MAGI2: variants seen among roughly 807,000 people sequenced by gnomAD.
MAGI2 encodes the protein membrane associated guanylate kinase, WW and PDZ domain containing 2.
MAGI2 carries 35 observed loss-of-function variants against 133.3 expected under a neutral mutation model. That is an observed-to-expected ratio of 0.26 (90% CI 0.20 to 0.35). MAGI2 has a LOEUF of 0.35. Among genes scored for constraint, MAGI2 ranks in the 10% least tolerant of loss-of-function variants. The pLI, the probability that MAGI2 is intolerant of heterozygous loss-of-function variation, is 1.00. For missense variants in MAGI2, 1,636 were observed against 1,863.4 expected, an observed-to-expected ratio of 0.88 and a Z score of 2.25; for synonymous variants, 729 against 710.6, an observed-to-expected ratio of 1.03 and a Z score of -0.41.
intron 3 of MAGI2, among the ~76,000 whole-genome samples, chr7:78,578,098 TTAAG>T (rs1802457021): frequency 6.6e-6 from 1 of 151,990 alleles, no homozygotes; most frequent in Admixed American, 6.5e-5. Flanking sequence ...GGTTTTCACT[TTAAG>T]TAGGGAAAAT....
At chr7:78,319,562 A>T (rs1787781117) in intron 9 of MAGI2, among the ~76,000 whole-genome samples, 1 of 152,246 alleles carries the variant, frequency 6.6e-6, no homozygotes, top group Admixed American at 6.5e-5. Flanking sequence ...AGAAATAAAG[A>T]TGTTCTTTGA....
intron 3 of MAGI2, among the ~76,000 whole-genome samples, chr7:78,567,005 A>G (rs1235252474): frequency 1.3e-5 from 2 of 152,190 alleles, no homozygotes; most frequent in Non-Finnish European, 2.9e-5. Flanking sequence ...TTAAAGTTTG[A>G]CTTACTAGCA....
At chr7:78,235,731 G>A (rs1415203552) in intron 10 of MAGI2, among the ~76,000 whole-genome samples, 2 of 150,060 alleles carry the variant, frequency 1.3e-5, no homozygotes, top group South Asian at 2.1e-4. Context: ...ATAGCAGCGT[G>A]AGAACAGACT....
chr7:78,619,602 C>T (rs1224085048), intron 3 of MAGI2, among the ~76,000 whole-genome samples: 1 of 151,856 alleles, frequency 6.6e-6, no homozygotes, highest in Non-Finnish European at 1.5e-5. Flanking sequence ...TAGAAATAGG[C>T]ATTTACATTG....
chr7:78,292,517 C>A (rs1315904648), intron 9 of MAGI2, among the ~76,000 whole-genome samples: 1 of 151,982 alleles, frequency 6.6e-6, no homozygotes, highest in African/African-American at 2.4e-5. Flanking sequence ...CCCAAGGTAA[C>A]TTATAGATTC....
chr7:79,379,437 T>C (rs1260871775), intron 1 of MAGI2, among the ~76,000 whole-genome samples: 1 of 152,030 alleles, frequency 6.6e-6, no homozygotes, highest in African/African-American at 2.4e-5. Flanking sequence ...TGCATGTGTA[T>C]TTATAGCAGC....
In MAGI2 at chr7:78,178,063, A is replaced by G. The variant is rs750235478; in HGVS notation, c.2351T>C (p.Met784Thr). The stretch of plus-strand genomic sequence containing the variant: ...GATTCTGAAGCCAAATCCAGACTCC[A>G]TCCTCCGAAGATGAACATCCAATTC... ...YKELDVHLRR[M>T]ESGFGFRILG... is the part of the protein sequence containing the mutation. The change falls in exon 14 of 22, where the codon ATG becomes ACG. Residue 784 changes from methionine (M) to threonine (T), a missense_variant. By Grantham distance (81) the Met-to-Thr change is moderately conservative. Coordinates refer to ENST00000354212, the MANE Select transcript of MAGI2 (RefSeq NM_012301.4). 2 of 1,613,272 alleles carry G rather than the reference A, an allele frequency of 1.2e-6. No homozygotes were observed. The highest frequency in any genetic ancestry group is 1.3e-5 in the African/African-American group (1 of 74,996).
chr7:79,327,812 T>C (rs552015612), intron 1 of MAGI2, among the ~76,000 whole-genome samples: 1 of 152,098 alleles, frequency 6.6e-6, no homozygotes, highest in Admixed American at 6.6e-5. Context: ...TGCAGAAAAA[T>C]CTACTGTTAA....
At chr7:78,875,045 A>C (rs511533) in intron 2 of MAGI2, among the ~76,000 whole-genome samples, 1 of 151,736 alleles carries the variant, frequency 6.6e-6, no homozygotes, top group Non-Finnish European at 1.5e-5. Context: ...ACAGATAGAA[A>C]TTAGGGACAA....
intron 1 of MAGI2, among the ~76,000 whole-genome samples, chr7:79,213,541 G>A (rs565277023): frequency 6.6e-6 from 1 of 151,892 alleles, no homozygotes; most frequent in Non-Finnish European, 1.5e-5. Context: ...AGACTTTTTG[G>A]TGGTTAATTT....
intron 2 of MAGI2, among the ~76,000 whole-genome samples, chr7:78,908,910 C>T (rs1441226720): frequency 1.3e-5 from 2 of 152,082 alleles, no homozygotes; most frequent in Admixed American, 6.5e-5. Context: ...TGGGCAAAAA[C>T]TTCATGGTGA....
intron 2 of MAGI2, among the ~76,000 whole-genome samples, chr7:78,707,618 T>G (rs4727751): frequency 0.41 from 62,142 of 151,952 alleles, 13,216 homozygotes; most frequent in Middle Eastern, 0.48. Context: ...GTATGTGTTT[T>G]CATGACAAAA....
chr7:78,131,677 G>A lies in MAGI2; in HGVS notation c.3203+1212C>T, dbSNP rs190232941. ...GTCTTCATCTTTCTCTTTAATGGCT[G>A]AACCCAACCCAGGCTCCCTGTTATA... On this transcript the variant is annotated intron_variant, in intron 18 of 21. Coordinates refer to ENST00000354212, the MANE Select transcript of MAGI2 (RefSeq NM_012301.4). 3.9e-4 allele frequency among the ~76,000 whole-genome samples: 60 copies of A among 152,280 alleles called. 1 individual carries two copies. Among genetic ancestry groups the A allele is most frequent in the Admixed American group, 3.1e-3 (47 of 15,302 alleles).
chr7:79,391,505 AG>A (rs1287925143), intron 1 of MAGI2, among the ~76,000 whole-genome samples: 1 of 51,470 alleles, frequency 1.9e-5, no homozygotes, highest in African/African-American at 1.2e-4. Context: ...ATATATATAT[AG>A]ACATATATAT....
At chr7:79,008,640 C>T (rs1562781003) in intron 1 of MAGI2, 1 of 152,120 alleles carries the variant, frequency 6.6e-6, no homozygotes, top group Non-Finnish European at 1.5e-5. Context: ...ATAAATATTA[C>T]ATCCGGAATG....
intron 1 of MAGI2, among the ~76,000 whole-genome samples, chr7:79,052,440 T>C (rs1184344260): frequency 6.6e-6 from 1 of 152,200 alleles, no homozygotes; most frequent in Non-Finnish European, 1.5e-5. Flanking sequence ...TGCACCTGCA[T>C]GGGTCGCACA....
At chr7:78,850,579 G>A (rs1793047078) in intron 2 of MAGI2, among the ~76,000 whole-genome samples, 1 of 151,938 alleles carries the variant, frequency 6.6e-6, no homozygotes, top group Non-Finnish European at 1.5e-5. Flanking sequence ...TTTCATGGTG[G>A]CCTAGATGTT....
chr7:79,311,916 A>G (rs1838322013), intron 1 of MAGI2, among the ~76,000 whole-genome samples: 1 of 152,090 alleles, frequency 6.6e-6, no homozygotes, highest in Non-Finnish European at 1.5e-5. Flanking sequence ...GTTCGTTAGC[A>G]AATCCTTTGT....
At chr7:79,315,233 A>G (rs1449307542) in intron 1 of MAGI2, among the ~76,000 whole-genome samples, 3 of 148,578 alleles carry the variant, frequency 2.0e-5, no homozygotes, top group Non-Finnish European at 4.4e-5. Context: ...ATCTCGGCTC[A>G]CTGCAACCTA....
Sources: gnomAD v4.1 joint callset for allele counts (sites outside exome capture counted in the v4.1 genomes callset) on GRCh38, gnomAD v4.1.1 for gene constraint, MANE v1.5 for transcripts, NCBI Gene and HGNC (gene_info 2026-07-23, HGNC 2026-07-21) for gene names.